KCNMA1: variants seen among roughly 807,000 people sequenced by gnomAD.
The protein encoded by KCNMA1 is potassium calcium-activated channel subfamily M alpha 1, also known as Calcium-activated potassium channel subunit alpha-1.
In KCNMA1, 29 loss-of-function variants were observed where a neutral mutation model predicts 140.0. That is an observed-to-expected ratio of 0.21 (90% confidence interval 0.15 to 0.28). The LOEUF (loss-of-function observed/expected upper bound fraction) is 0.28, where lower values mean the gene tolerates loss of function less well. KCNMA1 is among the 10% of genes least tolerant of loss of function. KCNMA1 has a pLI of 1.00. For missense variants in KCNMA1, 880 were observed against 1,602.2 expected, an observed-to-expected ratio of 0.55 and a Z score of 7.70; for synonymous variants, 612 against 611.9, an observed-to-expected ratio of 1.00 and a Z score of 0.00.
At chr10:77,098,967 C>A (rs2097017670) in intron 9 of KCNMA1, among the ~76,000 whole-genome samples, 1 of 152,092 alleles carries the variant, frequency 6.6e-6, no homozygotes, top group African/African-American at 2.4e-5. Flanking sequence ...TGACCTGAAT[C>A]TCCCAATGCT....
chr10:77,523,211 C>G (rs111521886), intron 1 of KCNMA1, among the ~76,000 whole-genome samples: 400 of 150,364 alleles, frequency 2.7e-3, no homozygotes, highest in Non-Finnish European at 4.4e-3. Context: ...GTGCCCCCCC[C>G]CCTTGCAATC....
downstream of KCNMA1, chr10:76,884,437 C>T (rs942205162): frequency 8.6e-5 from 13 of 150,576 alleles, no homozygotes; most frequent in African/African-American, 3.2e-4. Flanking sequence ...TATCAACTGG[C>T]ATCATCACTT....
chr10:77,387,092 G>A (rs770392118), intron 2 of KCNMA1, among the ~76,000 whole-genome samples: 7 of 152,184 alleles, frequency 4.6e-5, no homozygotes, highest in Admixed American at 1.3e-4. Context: ...TGTGCTTCAT[G>A]CAAAGAGAAT....
intron 1 of KCNMA1, among the ~76,000 whole-genome samples, chr10:77,451,318 T>A (rs558861284): frequency 6.6e-6 from 1 of 152,074 alleles, no homozygotes; most frequent in Non-Finnish European, 1.5e-5. Flanking sequence ...ATCGGGCAGA[T>A]AAAAAGAGGA....
At chr10:76,946,919 G>T (rs2064155022) in intron 22 of KCNMA1, among the ~76,000 whole-genome samples, 1 of 152,234 alleles carries the variant, frequency 6.6e-6, no homozygotes, top group Non-Finnish European at 1.5e-5. Context: ...TGAAGACATA[G>T]GTGAAGGCCC....
chr10:76,908,443 A>C (rs567673347), intron 25 of KCNMA1, among the ~76,000 whole-genome samples: 11 of 152,358 alleles, frequency 7.2e-5, no homozygotes, highest in Non-Finnish European at 1.3e-4. Context: ...GTCATTTCAC[A>C]GTCATTTTTA....
chr10:77,366,975 G>T (rs528425766), intron 2 of KCNMA1, among the ~76,000 whole-genome samples: 1 of 152,148 alleles, frequency 6.6e-6, no homozygotes, highest in South Asian at 2.1e-4. Context: ...GCTGGTCACC[G>T]GGCCTACAAG....
chr10:77,084,821 G>GAA (rs34592624), intron 11 of KCNMA1, 102 bp from the exon 12 acceptor site: 9,595 of 623,928 alleles, frequency 0.015, no homozygotes, highest in Middle Eastern at 0.019. Flanking sequence ...GCTTTGCAAA[G>GAA]AAAAAAAAAA....
At chr10:76,906,317 T>C (rs2047821661) in intron 25 of KCNMA1, among the ~76,000 whole-genome samples, 1 of 152,196 alleles carries the variant, frequency 6.6e-6, no homozygotes, top group Non-Finnish European at 1.5e-5. Context: ...GATGGTATCA[T>C]TCTGAAAAAT....
At chr10:76,944,714 C>T in intron 23 of KCNMA1, 59 bp downstream of exon 23, 1 of 1,502,486 alleles carries the variant, frequency 6.7e-7, no homozygotes, top group East Asian at 2.3e-5. Flanking sequence ...AAGGATATCC[C>T]TCTTGCCAGC....
intron 19 of KCNMA1, chr10:76,974,290 G>A: frequency 1.9e-6 from 1 of 517,642 alleles, no homozygotes; most frequent in Non-Finnish European, 3.4e-6. Flanking sequence ...CAGTTTGGGG[G>A]TGAGGTCGTT....
chr10:77,626,386 G>A (rs1396103227), intron 1 of KCNMA1, among the ~76,000 whole-genome samples: 1 of 152,086 alleles, frequency 6.6e-6, no homozygotes, highest in Non-Finnish European at 1.5e-5. Flanking sequence ...TCTAAGCTCT[G>A]GGAGGAAAGT....
rs565565314 is a variant in KCNMA1, at chr10:76,945,252, C to T, written c.2710-287G>A. Among the ~76,000 whole-genome samples, 10 of 152,206 alleles carry T rather than the reference C, an allele frequency of 6.6e-5. 1 individual carries two copies. In the South Asian group the frequency reaches 8.3e-4, roughly 13 times the overall value. ...TCAATCAAGCTATTACTAACAAACG[C>T]GGGAGAGGAATAATGCCAGGGTTCT... On this transcript the variant is annotated intron_variant, in intron 22 of 27. Coordinates refer to ENST00000286628, the MANE Select transcript of KCNMA1 (RefSeq NM_001161352.2).
At chr10:77,467,530 C>G (rs2098054739) in intron 1 of KCNMA1, among the ~76,000 whole-genome samples, 1 of 152,208 alleles carries the variant, frequency 6.6e-6, no homozygotes, top group Admixed American at 6.5e-5. Flanking sequence ...TGGCAGAACT[C>G]TATGTCACAG....
rs200570099 is a variant in KCNMA1 at position 77,108,592 on chromosome 10, A to G, written c.1132-20T>C. On this transcript the variant is annotated intron_variant, in intron 8 of 27. Coordinates refer to ENST00000286628, the MANE Select transcript of KCNMA1 (RefSeq NM_001161352.2). The surrounding 1 kb of genome is among the most constrained non-coding windows in gnomAD (Gnocchi z 4.6). ...CATGGCCTGAGAAGATAGGAGACAG[A>G]AGAGAGACTAAAAAGACAGGCCAAA... The G allele has an allele frequency of 1.4e-5, 23 of 1,587,598 alleles. No individual in the cohort carries two copies. Among genetic ancestry groups the G allele is most frequent in the South Asian group, 2.2e-5 (2 of 90,466 alleles).
intron 1 of KCNMA1, among the ~76,000 whole-genome samples, chr10:77,617,553 C>G (rs1044851681): frequency 6.6e-6 from 1 of 152,186 alleles, no homozygotes; most frequent in Non-Finnish European, 1.5e-5. Context: ...GCTGAAGGCA[C>G]TCCAGAGCAG....
At chr10:77,309,693 G>A (rs1277669612) in intron 2 of KCNMA1, 1 of 152,246 alleles carries the variant, frequency 6.6e-6, no homozygotes, top group Non-Finnish European at 1.5e-5. Flanking sequence ...GGTAGGAGGA[G>A]TGCTGGTAGG....
chr10:77,455,976 G>A (rs2097757036), intron 1 of KCNMA1, among the ~76,000 whole-genome samples: 1 of 152,188 alleles, frequency 6.6e-6, no homozygotes, highest in African/African-American at 2.4e-5. Flanking sequence ...TGTGGCTGAT[G>A]AATTGAACAG....
intron 1 of KCNMA1, among the ~76,000 whole-genome samples, chr10:77,492,918 A>C (rs997075963): frequency 2.6e-5 from 4 of 152,246 alleles, no homozygotes; most frequent in African/African-American, 9.6e-5. Flanking sequence ...TTTAATGCTC[A>C]TAATACCTTG....
Sources: gnomAD v4.1 joint callset for allele counts (sites outside exome capture counted in the v4.1 genomes callset) on GRCh38, gnomAD v4.1.1 for gene constraint, Gnocchi (gnomAD v3.1) non-coding constraint, MANE v1.5 for transcripts, NCBI Gene and HGNC (gene_info 2026-07-23, HGNC 2026-07-21) for gene names.